The following ZCCHC7 variants were observed in gnomAD, a reference collection of about 807,000 sequenced individuals.
The protein encoded by ZCCHC7 is zinc finger CCHC-type containing 7.
Under a neutral mutation model 52.0 loss-of-function variants are expected in ZCCHC7, and 35 were observed. The ratio of observed to expected loss-of-function variants is 0.67; its 90% CI spans 0.51 to 0.89. The LOEUF (loss-of-function observed/expected upper bound fraction) is 0.89, where lower values mean the gene tolerates loss of function less well. Among genes scored for constraint, ZCCHC7 ranks in the 40% least tolerant of loss-of-function variants. ZCCHC7 has a pLI of 0.00. For missense variants in ZCCHC7, 574 were observed against 649.1 expected, an observed-to-expected ratio of 0.88 and a Z score of 1.26; for synonymous variants, 217 against 221.5, an observed-to-expected ratio of 0.98 and a Z score of 0.18.
chr9:37,205,516 T>C (rs1045849794), intron 2 of ZCCHC7: 1 of 152,690 alleles, frequency 6.5e-6, no homozygotes, highest in South Asian at 2.1e-4. Flanking sequence ...ATGGGTACTT[T>C]GTAAGCTCCA....
upstream of ZCCHC7, among the ~76,000 whole-genome samples, chr9:37,120,168 G>A (rs1588324834): frequency 6.6e-5 from 10 of 152,316 alleles, 1 homozygote; most frequent in South Asian, 2.1e-3. Flanking sequence ...CACTGAGAAG[G>A]CGTCCACCGA....
At chr9:37,127,823 C>A (rs1309391241) in intron 2 of ZCCHC7, among the ~76,000 whole-genome samples, 1 of 152,094 alleles carries the variant, frequency 6.6e-6, no homozygotes, top group Middle Eastern at 3.2e-3. Context: ...CTGGGATTGG[C>A]AAATGTTTTT....
chr9:37,209,490 C>A (rs1249947576), intron 2 of ZCCHC7, among the ~76,000 whole-genome samples: 1 of 152,118 alleles, frequency 6.6e-6, no homozygotes, highest in Non-Finnish European at 1.5e-5. Flanking sequence ...AGAGAATTCC[C>A]CTCACCTGTA....
At chr9:37,348,393 T>TCTTTCTTTCTTTCTTTCTTTCTTCC (rs1564271303) in intron 6 of ZCCHC7, among the ~76,000 whole-genome samples, 1 of 147,544 alleles carries the variant, frequency 6.8e-6, no homozygotes. Context: ...TTTCTTTCTT[T>TCTTTCTTTCTTTCTTTCTTTCTTCC]TTTGACATGG....
chr9:37,278,311 A>G (rs1827788912), intron 2 of ZCCHC7, among the ~76,000 whole-genome samples: 1 of 152,172 alleles, frequency 6.6e-6, no homozygotes, highest in Non-Finnish European at 1.5e-5. Context: ...AACTTGCTGG[A>G]GAAATAAAAC....
intron 6 of ZCCHC7, among the ~76,000 whole-genome samples, chr9:37,345,062 A>G (rs1820876466): frequency 1.3e-5 from 2 of 152,112 alleles, no homozygotes; most frequent in African/African-American, 4.8e-5. Context: ...ATCCATTACA[A>G]TCTGGCTTGT....
intron 2 of ZCCHC7, among the ~76,000 whole-genome samples, chr9:37,285,978 G>A (rs925332534): frequency 6.6e-6 from 1 of 152,110 alleles, no homozygotes; most frequent in African/African-American, 2.4e-5. Flanking sequence ...TAGAAGACTA[G>A]TATAACTTCA....
intron 5 of ZCCHC7, among the ~76,000 whole-genome samples, chr9:37,308,422 A>G (rs1172620994): frequency 6.6e-6 from 1 of 152,180 alleles, no homozygotes; most frequent in East Asian, 1.9e-4. Context: ...GGGGAGTAAG[A>G]CATTATCATA....
chr9:37,199,060 C>A (rs1298978029), intron 2 of ZCCHC7, among the ~76,000 whole-genome samples: 1 of 152,150 alleles, frequency 6.6e-6, no homozygotes, highest in Non-Finnish European at 1.5e-5. Context: ...ACATTTGCCA[C>A]ACCCTCCTCC....
In ZCCHC7 at chr9:37,354,176, A is replaced by T. The variant is rs1821555542; in HGVS notation, c.1084-534A>T. Among the ~76,000 whole-genome samples the T allele has an allele frequency of 3.3e-5, 5 of 151,856 alleles. No individual in the cohort carries two copies. In the South Asian group the frequency reaches 1.0e-3, roughly 32 times the overall value. ...ACTAGGCATAACCTACCACCAACCT[A>T]CCCCCCACCGTTAAGAATCACTACC... On this transcript the variant is annotated intron_variant, in intron 7 of 8. Coordinates refer to ENST00000336755, the MANE Select transcript of ZCCHC7 (RefSeq NM_032226.3). The surrounding 1 kb of genome is among the most constrained non-coding windows in gnomAD (Gnocchi z 4.0).
chr9:37,298,547 T>C (rs1259729088), intron 2 of ZCCHC7, among the ~76,000 whole-genome samples: 1 of 152,162 alleles, frequency 6.6e-6, no homozygotes, highest in African/African-American at 2.4e-5. Context: ...TAACGTATAA[T>C]TCCATATATG....
At chr9:37,210,478 A>G (rs553912908) in intron 2 of ZCCHC7, among the ~76,000 whole-genome samples, 1 of 152,320 alleles carries the variant, frequency 6.6e-6, no homozygotes, top group South Asian at 2.1e-4. Flanking sequence ...AAATAAGATT[A>G]TGTAGAAAAC....
chr9:37,261,126 T>TTAATCTTG (rs1265824383), intron 2 of ZCCHC7, among the ~76,000 whole-genome samples: 10 of 152,194 alleles, frequency 6.6e-5, no homozygotes, highest in Non-Finnish European at 1.5e-5. Flanking sequence ...TATGTCCCCC[T>TTAATCTTG]TAATCTTGTA....
chr9:37,141,077 A>T (rs1843201545), intron 2 of ZCCHC7, among the ~76,000 whole-genome samples: 1 of 151,960 alleles, frequency 6.6e-6, no homozygotes, highest in African/African-American at 2.4e-5. Context: ...GAAATCTCAA[A>T]AGATCTTTAG....
chr9:37,285,739 CAT>C (rs1828178281), intron 2 of ZCCHC7, among the ~76,000 whole-genome samples: 2 of 152,166 alleles, frequency 1.3e-5, no homozygotes, highest in South Asian at 4.2e-4. Flanking sequence ...TTTAAATTGG[CAT>C]ATGTTTAGGA....
chr9:37,171,541 C>T (rs1195969039), intron 2 of ZCCHC7, among the ~76,000 whole-genome samples: 1 of 152,162 alleles, frequency 6.6e-6, no homozygotes, highest in African/African-American at 2.4e-5. Flanking sequence ...CCTCAGCCTC[C>T]TGAGTAGCTG....
In ZCCHC7 at chr9:37,126,510, G is replaced by A; in HGVS notation, c.178G>A (p.Gly60Arg). Residue 60 changes from glycine to arginine, a missense_variant, in exon 2 of 9, where the codon GGG becomes AGG. Physicochemically the swap from Gly to Arg is moderately radical, Grantham distance 125. Coordinates refer to ENST00000336755, the MANE Select transcript of ZCCHC7 (RefSeq NM_032226.3). ...REEEHEEKNS[G>R]NSESSSSKPN... ...GGAAGAGCATGAAGAAAAGAACTCTGGGAATTCGGAATCTTCGAGTAGTAA... is the reference window on the plus strand; with the variant it reads ...GGAAGAGCATGAAGAAAAGAACTCTAGGAATTCGGAATCTTCGAGTAGTAA... 1 of 1,613,762 alleles carries A rather than the reference G, an allele frequency of 6.2e-7. No individual in the cohort carries two copies. The highest frequency in any genetic ancestry group is 8.5e-7 in the Non-Finnish European group (1 of 1,179,994).
chr9:37,350,217 C>G (rs1269859438), intron 7 of ZCCHC7, among the ~76,000 whole-genome samples: 1 of 151,136 alleles, frequency 6.6e-6, no homozygotes, highest in Non-Finnish European at 1.5e-5. Flanking sequence ...CAACTTCCAC[C>G]TCCTGGGTTC....
intron 2 of ZCCHC7, among the ~76,000 whole-genome samples, chr9:37,177,284 G>T (rs1228029035): frequency 6.6e-6 from 1 of 152,118 alleles, no homozygotes; most frequent in Admixed American, 6.5e-5. Flanking sequence ...GCAGTGAGCT[G>T]AGACCACGCC....
Sources: allele counts gnomAD v4.1 joint callset (sites outside exome capture counted in the v4.1 genomes callset), GRCh38; gene constraint gnomAD v4.1.1; non-coding constraint Gnocchi (gnomAD v3.1); transcripts MANE v1.5; gene names NCBI Gene and HGNC (gene_info 2026-07-23, HGNC 2026-07-21).